Variants in PRH1 observed in about 807,000 individuals in gnomAD.
PRH1 encodes the protein proline rich protein HaeIII subfamily 1.
A neutral mutation model predicts 7.9 loss-of-function variants in PRH1; 7 were observed. The observed-to-expected ratio is 0.89, with a 90% confidence interval of 0.50 to 1.67. PRH1 has a LOEUF of 1.67. Ranked by LOEUF, PRH1 falls within the 40% of genes most tolerant of loss-of-function variation. The pLI is 0.00. For synonymous variants in PRH1, 45 were observed against 80.8 expected (o/e 0.56, Z 2.38); for missense variants, 109 against 223.6 (o/e 0.49, Z 3.27).
At position 11,077,228 on chromosome 12, in the gene PRH1, T is replaced by C. The variant is rs201022849; in HGVS notation, n.124-30040A>G. 16 of 88,422 alleles carry C rather than the reference T, an allele frequency of 1.8e-4. 2 individuals are homozygous for C. In the East Asian group the frequency reaches 2.9e-3, roughly 16 times the overall value. The allele number at this position is 88,422 out of a possible 1,614,324, so 5.5% of individuals were successfully genotyped here. A position where few individuals can be genotyped will look rare whatever the true frequency, so the allele number is the denominator to read the frequency against. The stretch of plus-strand genomic sequence containing the variant: ...TGAAATTACTCAAATACATACACTA[T>C]GGAAAAACTGATAGAAATATAAAAT... On this transcript the variant is annotated intron_variant and non_coding_transcript_variant, in intron 1 of 4. Transcript: ENST00000541977.
At chr12:11,161,453 T>C (rs1019460252) in intron 1 of PRH1, among the ~76,000 whole-genome samples, 6 of 152,170 alleles carry the variant, frequency 3.9e-5, no homozygotes, top group Admixed American at 3.9e-4. Context: ...AAGCAAACTT[T>C]TTAAAAACAT....
chr12:10,909,080 T>C (rs1348068776), intron 2 of PRH1: 6 of 1,613,636 alleles, frequency 3.7e-6, no homozygotes, highest in African/African-American at 1.3e-5. Context: ...CAAATATGGC[T>C]AGATAATGCA....
intron 2 of PRH1, chr12:10,891,791 C>T (rs564619131): frequency 7.9e-5 from 12 of 152,274 alleles, no homozygotes; most frequent in African/African-American, 2.6e-4. Context: ...GTTACATGTG[C>T]AAGTAGTGGT....
At chr12:11,088,814 A>G (rs531817317) in intron 1 of PRH1, among the ~76,000 whole-genome samples, 11 of 95,202 alleles carry the variant, frequency 1.2e-4, no homozygotes, top group Middle Eastern at 4.4e-3. Context: ...TGCTAGAAAC[A>G]TACATAGTGG....
intron 1 of PRH1, among the ~76,000 whole-genome samples, chr12:11,064,602 C>A (rs1943736316): frequency 6.6e-6 from 1 of 152,082 alleles, no homozygotes; most frequent in South Asian, 2.1e-4. Context: ...GTACTCCTGT[C>A]AGCTTTACCT....
chr12:11,145,365 G>T (rs1184920692), intron 1 of PRH1, among the ~76,000 whole-genome samples: 1 of 151,956 alleles, frequency 6.6e-6, no homozygotes, highest in African/African-American at 2.4e-5. Context: ...GCTAATTTTT[G>T]TATTTTTAGT....
chr12:10,930,312 C>T, intron 2 of PRH1: 1 of 1,609,930 alleles, frequency 6.2e-7, no homozygotes, highest in South Asian at 1.1e-5. Context: ...CAGGTAAATC[C>T]CAATAAATTC....
At chr12:11,134,500 G>T (rs945009594) in intron 1 of PRH1, 19 of 463,368 alleles carry the variant, frequency 4.1e-5, no homozygotes, top group African/African-American at 3.6e-4. Context: ...TTCACCATCT[G>T]TTCTTGTTAT....
chr12:11,130,190 T>A (rs1232846016), intron 1 of PRH1, among the ~76,000 whole-genome samples: 1 of 152,120 alleles, frequency 6.6e-6, no homozygotes, highest in African/African-American at 2.4e-5. Context: ...GGTACAATAA[T>A]CAGGAAATGG....
At chr12:10,997,399 T>C (rs1940328176) in intron 1 of PRH1, 1 of 1,614,038 alleles carries the variant, frequency 6.2e-7, no homozygotes, top group Non-Finnish European at 8.5e-7. Flanking sequence ...TTACGTTTCC[T>C]TCACATTCTT....
intron 1 of PRH1, among the ~76,000 whole-genome samples, chr12:11,075,248 T>C (rs766760784): frequency 1.2e-4 from 16 of 132,078 alleles, no homozygotes; most frequent in Middle Eastern, 7.2e-3. Flanking sequence ...ACTAACTCAA[T>C]TTTTAAAAGC....
chr12:11,039,141 A>C (rs1401815508), intron 1 of PRH1, among the ~76,000 whole-genome samples: 1 of 152,238 alleles, frequency 6.6e-6, no homozygotes, highest in Non-Finnish European at 1.5e-5. Context: ...GGGAAAATAT[A>C]AATATATTAT....
At chr12:10,951,986 G>A (rs188453675) in intron 2 of PRH1, among the ~76,000 whole-genome samples, 5 of 152,224 alleles carry the variant, frequency 3.3e-5, no homozygotes, top group South Asian at 4.2e-4. Flanking sequence ...GGTATGATCC[G>A]AGAATCTATT....
At chr12:11,031,206 C>T (rs370880260) in intron 1 of PRH1, 1 of 1,614,018 alleles carries the variant, frequency 6.2e-7, no homozygotes, top group African/African-American at 1.3e-5. Flanking sequence ...ATCTGGTCAG[C>T]AAAAGAGATC....
rs770425892 is a variant in PRH1 at position 11,062,032 on chromosome 12, CAGA to C, written n.124-14847_124-14845del. On this transcript the variant is annotated intron_variant and non_coding_transcript_variant, in intron 1 of 4. Transcript: ENST00000541977. ...GTTGCTGAAATGGTTGATTACTGCCCAGACATTGTAAGCAGTAATTCTTACTTC... is the reference window on the plus strand; with the variant it reads ...GTTGCTGAAATGGTTGATTACTGCCCCATTGTAAGCAGTAATTCTTACTTC... 15,147 of 1,613,686 alleles carry C rather than the reference CAGA, an allele frequency of 9.4e-3. 108 individuals carry two copies. Among genetic ancestry groups the C allele is most frequent in the East Asian group, 0.026 (1,161 of 44,852 alleles).
chr12:11,091,909 C>G, intron 1 of PRH1: 2 of 1,255,432 alleles, frequency 1.6e-6, no homozygotes, highest in South Asian at 1.2e-5. Context: ...CAATCTTGAG[C>G]AAATAAAATA....
intron 1 of PRH1, among the ~76,000 whole-genome samples, chr12:11,038,840 G>A (rs2136119842): frequency 6.8e-6 from 1 of 146,890 alleles, no homozygotes; most frequent in Admixed American, 7.1e-5. Context: ...CGGCCGAAAT[G>A]ATGTCACAGA....
At chr12:10,996,915 C>A in intron 1 of PRH1, 2 of 1,534,138 alleles carry the variant, frequency 1.3e-6, no homozygotes, top group South Asian at 1.3e-5. Context: ...TTGTTTTCTG[C>A]TAGAAAACAC....
intron 1 of PRH1, among the ~76,000 whole-genome samples, chr12:11,147,895 G>A (rs889258945): frequency 4.0e-5 from 6 of 151,178 alleles, no homozygotes; most frequent in East Asian, 3.9e-4. Flanking sequence ...CCATTTTCAC[G>A]ATATTGATTC....
Sources: gnomAD v4.1 joint callset for allele counts (sites outside exome capture counted in the v4.1 genomes callset) on GRCh38, gnomAD v4.1.1 for gene constraint, MANE v1.5 for transcripts, NCBI Gene and HGNC (gene_info 2026-07-23, HGNC 2026-07-21) for gene names.